The following RPP30 variants were observed in gnomAD, a reference collection of about 807,000 sequenced individuals.
RPP30 encodes the protein ribonuclease P/MRP subunit p30.
RPP30 carries 36 observed loss-of-function variants against 38.6 expected under a neutral mutation model. The observed-to-expected ratio is 0.93, with a 90% CI of 0.71 to 1.23. The LOEUF (loss-of-function observed/expected upper bound fraction) is 1.23, where lower values mean the gene tolerates loss of function less well. Among genes scored for constraint, RPP30 ranks in the 50% most tolerant of loss-of-function variants. The pLI is 0.00. For missense variants in RPP30, 321 were observed against 321.7 expected (o/e 1.00, Z 0.02); for synonymous variants, 126 against 112.7 (o/e 1.12, Z -0.75).
At chr10:90,906,810 A>G (rs896222744), downstream of RPP30, among the ~76,000 whole-genome samples, 4 of 152,322 alleles carry the variant, frequency 2.6e-5, no homozygotes, top group African/African-American at 9.6e-5. Context: ...AACAACTTCT[A>G]GGACTCTCCA....
intron 5 of RPP30, among the ~76,000 whole-genome samples, chr10:90,880,954 T>C (rs1262209506): frequency 6.6e-6 from 1 of 152,198 alleles, no homozygotes; most frequent in East Asian, 1.9e-4. Flanking sequence ...AAACCACTAG[T>C]GTTTAATATA....
chr10:90,894,869 T>G lies in RPP30; in HGVS notation c.527T>G (p.Leu176Trp). 6.2e-7 allele frequency: 1 copy of G among 1,610,984 alleles called. No homozygotes were observed. Among genetic ancestry groups the G allele is most frequent in the Non-Finnish European group, 8.5e-7 (1 of 1,177,226 alleles). The part of the protein sequence containing the change: ...RRYTISSALN[L>W]MQICKGKNVI... The stretch of plus-strand genomic sequence containing the variant: ...TATACAATTTCCAGTGCCCTCAATT[T>G]GATGCAAATCTGCAAAGGAAAGGTA... The change falls in exon 7 of 11, where the codon TTG (leucine) becomes TGG (tryptophan). Residue 176 changes from leucine (L) to tryptophan (W), a missense_variant. Physicochemically the swap from Leu to Trp is moderately conservative, Grantham distance 61. Transcript: ENST00000371703.
intron 4 of RPP30, among the ~76,000 whole-genome samples, chr10:90,876,395 A>G (rs1232943252): frequency 1.3e-5 from 2 of 152,210 alleles, no homozygotes; most frequent in Non-Finnish European, 2.9e-5. Flanking sequence ...GAATAATAGC[A>G]CAATCCTTGA....
chr10:90,893,969 A>G (rs1261338941), intron 6 of RPP30, among the ~76,000 whole-genome samples: 1 of 152,168 alleles, frequency 6.6e-6, no homozygotes, highest in African/African-American at 2.4e-5. Flanking sequence ...TCATCTACTT[A>G]CCTGTGGATC....
At chr10:90,878,470 A>G (rs12255018) in intron 4 of RPP30, among the ~76,000 whole-genome samples, 42,071 of 151,802 alleles carry the variant, frequency 0.28, 6,950 homozygotes, top group African/African-American at 0.47. Context: ...ATTTAGGTTT[A>G]AGATGATATT....
intron 7 of RPP30, chr10:90,895,218 C>T (rs1847126127): frequency 6.1e-6 from 3 of 493,500 alleles, no homozygotes; most frequent in African/African-American, 6.1e-5. Flanking sequence ...GTTTTTTAAA[C>T]TTAATTCACC....
At chr10:90,894,677 G>C in intron 6 of RPP30, 98 bp from the exon 7 acceptor site, 1 of 836,986 alleles carries the variant, frequency 1.2e-6, no homozygotes, top group Non-Finnish European at 2.1e-6. Context: ...TAAGGGGTCA[G>C]TAGTAGGGAG....
intron 9 of RPP30, 129 bp from the exon 10 acceptor site, chr10:90,896,184 G>T: frequency 1.3e-6 from 1 of 768,602 alleles, no homozygotes; most frequent in South Asian, 1.7e-5. Flanking sequence ...TGTTCCAGTT[G>T]GACTAAGAAC....
At position 90,875,540 on chromosome 10, in the gene RPP30, A is replaced by G. The variant is rs773323432; in HGVS notation, c.139-18A>G. ...TTAATGGATACAATCTGCAGTAACT[A>G]TTTATCGTTTGTTGTAGGAAATTGA... is the stretch of plus-strand genomic sequence containing the variant. On this transcript the variant is annotated intron_variant, in intron 2 of 10. Coordinates refer to ENST00000371703, the MANE Select transcript of RPP30 (RefSeq NM_006413.5). 6.8e-6 allele frequency: 11 copies of G among 1,607,846 alleles called. No homozygotes were observed. Among genetic ancestry groups the G allele is most frequent in the South Asian group, 2.2e-5 (2 of 90,890 alleles).
intron 10 of RPP30, 84 bp downstream of exon 10, chr10:90,896,476 C>T (rs1218637715): frequency 4.8e-6 from 5 of 1,038,352 alleles, no homozygotes; most frequent in East Asian, 2.4e-5. Context: ...TATTGCCCTA[C>T]CCTACAGAGT....
chr10:90,875,873 T>G (rs1589493452), intron 3 of RPP30, 151 bp from the exon 4 acceptor site: 1 of 621,656 alleles, frequency 1.6e-6, no homozygotes. Flanking sequence ...TCTGTGGCTG[T>G]ATTGTAAATT....
intron 1 of RPP30, among the ~76,000 whole-genome samples, chr10:90,874,514 A>C (rs1846825023): frequency 6.6e-6 from 1 of 152,256 alleles, no homozygotes; most frequent in Non-Finnish European, 1.5e-5. Flanking sequence ...GCACAAAGTT[A>C]AGAGTCTTTA....
chr10:90,885,323 T>C (rs1846985031), intron 5 of RPP30, among the ~76,000 whole-genome samples: 2 of 152,372 alleles, frequency 1.3e-5, no homozygotes, highest in African/African-American at 4.8e-5. Flanking sequence ...TTCATATTTC[T>C]TTAGCTACTC....
intron 9 of RPP30, 28 bp from the exon 10 acceptor site, chr10:90,896,285 G>C (rs2120229398): frequency 6.2e-7 from 1 of 1,603,236 alleles, no homozygotes; most frequent in South Asian, 1.1e-5. Flanking sequence ...GGGTGACTCT[G>C]GGTTGAAATC....
At chr10:90,907,789 C>T (rs980648588), downstream of RPP30, among the ~76,000 whole-genome samples, 1 of 152,192 alleles carries the variant, frequency 6.6e-6, no homozygotes, top group African/African-American at 2.4e-5. Context: ...GAAGCCTCAT[C>T]ATCTTAGACA....
rs1472931586 is a variant in RPP30, at chr10:90,901,926, C to A, written c.*1247C>A. Reference sequence around the variant, plus strand: ...CTCCGCCTCCTGGGTTCATGCCATTCTCCTGCCTCAGCCTCCTGAGTAGCT... The same window carrying A: ...CTCCGCCTCCTGGGTTCATGCCATTATCCTGCCTCAGCCTCCTGAGTAGCT... On this transcript the variant is annotated 3_prime_UTR_variant, in exon 11 of 11. Transcript: ENST00000371703. The A allele has an allele frequency of 6.8e-6, 3 of 439,220 alleles. No individual in the cohort carries two copies. Among genetic ancestry groups the A allele is most frequent in the African/African-American group, 6.6e-5 (3 of 45,726 alleles). The allele number at this position is 439,220 out of a possible 1,614,324, so 27.2% of individuals were successfully genotyped here. A position where few individuals can be genotyped will look rare whatever the true frequency, so the allele number is the denominator to read the frequency against.
At chr10:90,872,401 A>G (rs1053571658) in intron 1 of RPP30, among the ~76,000 whole-genome samples, 2 of 152,196 alleles carry the variant, frequency 1.3e-5, no homozygotes, top group African/African-American at 4.8e-5. Context: ...CTAAGTTACT[A>G]TCAGCCCTTC....
intron 5 of RPP30, among the ~76,000 whole-genome samples, chr10:90,885,503 G>C (rs998470397): frequency 6.6e-6 from 1 of 152,200 alleles, no homozygotes; most frequent in Admixed American, 6.5e-5. Context: ...TAACCTTCCA[G>C]AAACTGAGCC....
intron 8 of RPP30, 188 bp from the exon 9 acceptor site, chr10:90,895,692 C>G (rs1847131595): frequency 2.0e-6 from 1 of 512,310 alleles, no homozygotes; most frequent in Admixed American, 4.1e-5. Flanking sequence ...TTCTTTTATA[C>G]TGTTACAAAA....
Sources: allele counts gnomAD v4.1 joint callset (sites outside exome capture counted in the v4.1 genomes callset), GRCh38; gene constraint gnomAD v4.1.1; transcripts MANE v1.5; gene names NCBI Gene and HGNC (gene_info 2026-07-23, HGNC 2026-07-21).